The following COMMD1 variants were observed in gnomAD, a reference collection of about 807,000 sequenced individuals.
The protein encoded by COMMD1 is COMM domain-containing protein 1.
In COMMD1, 10 loss-of-function variants were observed where a neutral mutation model predicts 17.2. The ratio of observed to expected loss-of-function variants is 0.58; its 90% CI spans 0.36 to 0.99. The LOEUF is 0.99. Among genes scored for constraint, COMMD1 ranks in the 50% least tolerant of loss-of-function variants. The pLI is 0.01. For missense variants in COMMD1, 270 were observed against 231.8 expected, an observed-to-expected ratio of 1.17 and a Z score of -1.07; for synonymous variants, 97 against 91.6, an observed-to-expected ratio of 1.06 and a Z score of -0.34.
intron 2 of COMMD1, among the ~76,000 whole-genome samples, chr2:62,104,918 G>A (rs1320033894): frequency 6.6e-6 from 1 of 151,798 alleles, no homozygotes; most frequent in Non-Finnish European, 1.5e-5. Context: ...CCGAGGTCAG[G>A]AGTTTGAGAC....
chr2:61,919,708 A>T (rs902312010), intron 1 of COMMD1, among the ~76,000 whole-genome samples: 1 of 152,156 alleles, frequency 6.6e-6, no homozygotes, highest in African/African-American at 2.4e-5. Flanking sequence ...ATGCCTTTAT[A>T]ACAGAGAATT....
At chr2:61,940,983 C>T (rs1054731069) in intron 1 of COMMD1, among the ~76,000 whole-genome samples, 5 of 150,734 alleles carry the variant, frequency 3.3e-5, no homozygotes, top group African/African-American at 7.3e-5. Context: ...CCACTGCGCC[C>T]GGCTGGGGTG....
At chr2:62,089,454 T>C (rs564186085) in intron 2 of COMMD1, among the ~76,000 whole-genome samples, 1 of 151,998 alleles carries the variant, frequency 6.6e-6, no homozygotes, top group South Asian at 2.1e-4. Flanking sequence ...CGGCTAATTT[T>C]TGTATTTTTA....
At chr2:61,967,399 G>C (rs775639341) in intron 1 of COMMD1, among the ~76,000 whole-genome samples, 3 of 152,134 alleles carry the variant, frequency 2.0e-5, no homozygotes, top group Admixed American at 2.0e-4. Flanking sequence ...CCTCATGGTG[G>C]ACTGGTAGTG....
intron 1 of COMMD1, among the ~76,000 whole-genome samples, chr2:61,942,579 G>A (rs1332099601): frequency 7.9e-6 from 1 of 127,052 alleles, no homozygotes; most frequent in Non-Finnish European, 1.6e-5. Flanking sequence ...TCACTCTGTT[G>A]CCCAGGCTGA....
chr2:62,071,200 C>A (rs1397600124), intron 2 of COMMD1, among the ~76,000 whole-genome samples: 5 of 152,162 alleles, frequency 3.3e-5, no homozygotes, highest in Non-Finnish European at 5.9e-5. Context: ...GGTTCCTCCC[C>A]CTTTTATACC....
intron 1 of COMMD1, among the ~76,000 whole-genome samples, chr2:61,890,972 A>G (rs1572934885): frequency 1.3e-5 from 2 of 152,208 alleles, no homozygotes; most frequent in East Asian, 3.8e-4. Flanking sequence ...AACTGATGTA[A>G]TATGTTGGAA....
intron 2 of COMMD1, among the ~76,000 whole-genome samples, chr2:62,006,382 T>TA (rs1339844907): frequency 6.6e-6 from 1 of 151,700 alleles, no homozygotes; most frequent in Non-Finnish European, 1.5e-5. Flanking sequence ...GGAAGCCAAG[T>TA]ACATACATAA....
chr2:61,888,660 G>A (rs906055805), upstream of COMMD1: 23 of 858,922 alleles, frequency 2.7e-5, no homozygotes, highest in East Asian at 1.2e-4. Context: ...GGAGAAGGGG[G>A]CCTTCCTTGC....
intron 2 of COMMD1, among the ~76,000 whole-genome samples, chr2:62,068,019 A>G (rs1014017724): frequency 1.3e-5 from 2 of 152,188 alleles, no homozygotes; most frequent in African/African-American, 4.8e-5. Flanking sequence ...CCCACTAATG[A>G]AGAAACACAC....
chr2:61,897,886 C>A (rs1326060084), intron 1 of COMMD1, among the ~76,000 whole-genome samples: 1 of 152,124 alleles, frequency 6.6e-6, no homozygotes, highest in Non-Finnish European at 1.5e-5. Flanking sequence ...GGACTCAACA[C>A]CTCACTCTGT....
chr2:61,925,637 A>G (rs1030567424), intron 1 of COMMD1, among the ~76,000 whole-genome samples: 2 of 151,984 alleles, frequency 1.3e-5, no homozygotes, highest in African/African-American at 4.8e-5. Context: ...TTAGAAATGT[A>G]AAGAGGTTTG....
At chr2:62,135,442 T>A (rs1022723667) in intron 2 of COMMD1, among the ~76,000 whole-genome samples, 2 of 152,002 alleles carry the variant, frequency 1.3e-5, no homozygotes, top group African/African-American at 4.8e-5. Context: ...GCTCCGACTT[T>A]CGGGTTCACG....
At chr2:61,991,094 GA>G (rs138375572) in intron 1 of COMMD1, among the ~76,000 whole-genome samples, 16 of 144,926 alleles carry the variant, frequency 1.1e-4, no homozygotes, top group East Asian at 7.9e-4. Context: ...TGTCTCAAAA[GA>G]AAAAAAAAAG....
chr2:62,053,479 G>C (rs1264066769), intron 2 of COMMD1, among the ~76,000 whole-genome samples: 1 of 152,076 alleles, frequency 6.6e-6, no homozygotes, highest in Non-Finnish European at 1.5e-5. Context: ...ATATGTTTTT[G>C]AGGCTAATGA....
chr2:62,127,896 C>G (rs1398962996), intron 2 of COMMD1, among the ~76,000 whole-genome samples: 2 of 151,992 alleles, frequency 1.3e-5, no homozygotes, highest in Non-Finnish European at 2.9e-5. Context: ...GTGGCACATG[C>G]CTGTAGTCCC....
intron 1 of COMMD1, among the ~76,000 whole-genome samples, chr2:61,956,986 A>G (rs573940018): frequency 1.3e-5 from 2 of 150,688 alleles, no homozygotes; most frequent in South Asian, 4.2e-4. Flanking sequence ...CCTGACCTCA[A>G]GTGATCCACC....
At chr2:62,016,257 G>A (rs560918735) in intron 2 of COMMD1, among the ~76,000 whole-genome samples, 75 of 128,732 alleles carry the variant, frequency 5.8e-4, no homozygotes, top group African/African-American at 2.2e-3. Flanking sequence ...CGCCCAAGCT[G>A]GAGTGCAGTG....
At chr2:62,112,717 A>C (rs1421168816) in intron 2 of COMMD1, among the ~76,000 whole-genome samples, 2 of 152,230 alleles carry the variant, frequency 1.3e-5, no homozygotes, top group African/African-American at 4.8e-5. Context: ...AAGACTCAAA[A>C]AATTAATTTT....
Sources: gnomAD v4.1 joint callset for allele counts (sites outside exome capture counted in the v4.1 genomes callset) on GRCh38, gnomAD v4.1.1 for gene constraint, MANE v1.5 for transcripts, NCBI Gene and HGNC (gene_info 2026-07-23, HGNC 2026-07-21) for gene names.